FAM184B: variants seen among roughly 807,000 people sequenced by gnomAD.
FAM184B encodes protein FAM184B.
FAM184B carries 111 observed loss-of-function variants against 135.9 expected under a neutral mutation model. The ratio of observed to expected loss-of-function variants is 0.82; its 90% confidence interval spans 0.70 to 0.96. The LOEUF is 0.96. Ranked by LOEUF, FAM184B falls within the 40% of genes least tolerant of loss-of-function variation. The probability of loss-of-function intolerance (pLI) is 0.00; values close to 1 mark genes in which losing one functional copy is unlikely to be tolerated. For synonymous variants in FAM184B, 552 were observed against 524.8 expected, an observed-to-expected ratio of 1.05 and a Z score of -0.71; for missense variants, 1,375 against 1,323.9, an observed-to-expected ratio of 1.04 and a Z score of -0.60.
chr4:17,708,674 T>TATATAC, intron 2 of FAM184B, among the ~76,000 whole-genome samples: 1 of 29,704 alleles, frequency 3.4e-5, no homozygotes, highest in Non-Finnish European at 5.7e-5. Context: ...TATATATATA[T>TATATAC]ATATATATAT....
intron 5 of FAM184B, among the ~76,000 whole-genome samples, chr4:17,696,431 T>G (rs1037570492): frequency 6.6e-6 from 1 of 152,106 alleles, no homozygotes; most frequent in Non-Finnish European, 1.5e-5. Flanking sequence ...GAAGGATCAT[T>G]AAGAACCGGA....
chr4:17,691,175 C>T (rs946553461), intron 6 of FAM184B, among the ~76,000 whole-genome samples: 1 of 152,110 alleles, frequency 6.6e-6, no homozygotes, highest in African/African-American at 2.4e-5. Flanking sequence ...GCCACATTAC[C>T]TGGGTTTGAA....
chr4:17,694,851 G>T (rs1716815652), intron 5 of FAM184B, among the ~76,000 whole-genome samples: 1 of 152,184 alleles, frequency 6.6e-6, no homozygotes, highest in Admixed American at 6.5e-5. Context: ...AAAGCTGGGA[G>T]GGGGCTCTGC....
At chr4:17,765,954 C>T (rs562258486) in intron 1 of FAM184B, among the ~76,000 whole-genome samples, 5 of 152,246 alleles carry the variant, frequency 3.3e-5, no homozygotes, top group South Asian at 2.1e-4. Context: ...ATTACTCCTT[C>T]CTTCTGTCCG....
chr4:17,745,361 C>T (rs1340955868), intron 1 of FAM184B, among the ~76,000 whole-genome samples: 4 of 152,150 alleles, frequency 2.6e-5, no homozygotes, highest in Admixed American at 2.0e-4. Flanking sequence ...TTGGATTTGC[C>T]GTGATATTCA....
At chr4:17,729,494 C>A (rs1383321953) in intron 1 of FAM184B, among the ~76,000 whole-genome samples, 1 of 152,194 alleles carries the variant, frequency 6.6e-6, no homozygotes, top group African/African-American at 2.4e-5. Context: ...TGGGAGGCAC[C>A]CCCCAGTAGG....
At position 17,660,066 on chromosome 4, in the gene FAM184B, C is replaced by T. The variant is rs1021858777; in HGVS notation, c.1716G>A (p.Glu572=). The T allele has an allele frequency of 6.4e-7, 1 of 1,551,574 alleles. No homozygotes were observed. The highest frequency in any genetic ancestry group is 8.7e-7 in the Non-Finnish European group (1 of 1,146,968). ...EEERTKVLLK[E]GSDPQPPLGS... ...CCAGTGGAGGTTGTGGGTCACTTCC[C>T]TCCTTGAGAAGCACTTTGGTCCTTT... Residue 572 remains glutamate (E), a synonymous_variant, in exon 9 of 18, where the codon GAG becomes GAA. Coordinates refer to ENST00000265018, the MANE Select transcript of FAM184B (RefSeq NM_015688.2).
intron 16 of FAM184B, 93 bp downstream of exon 16, chr4:17,634,916 G>A (rs1035169360): frequency 7.4e-5 from 58 of 778,650 alleles, no homozygotes; most frequent in South Asian, 5.2e-4. Context: ...TTTTCTGAGC[G>A]TACACCAGCC....
chr4:17,636,784 G>A, intron 14 of FAM184B, 139 bp from the exon 15 acceptor site: 1 of 668,864 alleles, frequency 1.5e-6, no homozygotes, highest in Non-Finnish European at 2.5e-6. Flanking sequence ...GGCTTGCCCA[G>A]GGCCCCCTGG....
chr4:17,727,637 C>G (rs75652754), intron 1 of FAM184B, among the ~76,000 whole-genome samples: 6,392 of 152,204 alleles, frequency 0.042, 208 homozygotes, highest in Non-Finnish European at 0.063. Context: ...TTTAAATCAT[C>G]AGATCTTGTG....
At chr4:17,775,089 C>T (rs536009591) in intron 1 of FAM184B, among the ~76,000 whole-genome samples, 3 of 150,390 alleles carry the variant, frequency 2.0e-5, no homozygotes, top group East Asian at 2.0e-4. Context: ...CTCCGCCTCC[C>T]GGGTTCAAGT....
intron 1 of FAM184B, among the ~76,000 whole-genome samples, chr4:17,750,836 CT>C (rs903618237): frequency 2.6e-5 from 4 of 152,148 alleles, no homozygotes; most frequent in African/African-American, 9.7e-5. Flanking sequence ...GCTGTTCCCC[CT>C]GCCTAGACCC....
chr4:17,767,759 G>C (rs1181989171), intron 1 of FAM184B, among the ~76,000 whole-genome samples: 2 of 144,688 alleles, frequency 1.4e-5, no homozygotes, highest in East Asian at 4.1e-4. Context: ...CAGTCTGGAT[G>C]AGAAATTAAA....
intron 13 of FAM184B, among the ~76,000 whole-genome samples, chr4:17,640,625 T>C (rs1000333172): frequency 6.6e-6 from 1 of 152,070 alleles, no homozygotes; most frequent in Non-Finnish European, 1.5e-5. Flanking sequence ...AAAAAAATTA[T>C]GAGCAATTTT....
chr4:17,718,091 C>T (rs549745578), intron 1 of FAM184B, among the ~76,000 whole-genome samples: 61 of 152,268 alleles, frequency 4.0e-4, no homozygotes, highest in Middle Eastern at 6.8e-3. Flanking sequence ...GTTGCTGAAC[C>T]TGAGTCTCAG....
intron 14 of FAM184B, among the ~76,000 whole-genome samples, chr4:17,638,503 G>C (rs973402105): frequency 1.3e-5 from 2 of 152,006 alleles, no homozygotes; most frequent in Admixed American, 1.3e-4. Context: ...AGCACAGCCT[G>C]TTTGCTTATT....
chr4:17,641,305 A>C (rs115998345), intron 13 of FAM184B, among the ~76,000 whole-genome samples: 1 of 151,940 alleles, frequency 6.6e-6, no homozygotes, highest in Non-Finnish European at 1.5e-5. Flanking sequence ...CCAACCTCAC[A>C]CAGCTAATTA....
chr4:17,670,413 A>G (rs1326150211), intron 7 of FAM184B, among the ~76,000 whole-genome samples: 1 of 152,206 alleles, frequency 6.6e-6, no homozygotes, highest in African/African-American at 2.4e-5. Flanking sequence ...AACATGAATA[A>G]TGGACAAGGA....
chr4:17,770,349 G>A (rs776630541), intron 1 of FAM184B, among the ~76,000 whole-genome samples: 3 of 152,194 alleles, frequency 2.0e-5, no homozygotes, highest in Non-Finnish European at 4.4e-5. Context: ...AGGTGGCTCC[G>A]ACTATGGTGG....
Sources: allele counts gnomAD v4.1 joint callset (sites outside exome capture counted in the v4.1 genomes callset), GRCh38; gene constraint gnomAD v4.1.1; transcripts MANE v1.5; gene names NCBI Gene and HGNC (gene_info 2026-07-23, HGNC 2026-07-21).